AKT3: variants seen among roughly 807,000 people sequenced by gnomAD.
AKT3 encodes the protein AKT serine/threonine kinase 3, also known as RAC-gamma serine/threonine-protein kinase.
Under a neutral mutation model 65.3 loss-of-function variants are expected in AKT3, and 15 were observed. The observed-to-expected ratio is 0.23, with a 90% CI of 0.15 to 0.35. The LOEUF (loss-of-function observed/expected upper bound fraction) is 0.35, where lower values mean the gene tolerates loss of function less well. Among genes scored for constraint, AKT3 ranks in the 10% least tolerant of loss-of-function variants. The probability of loss-of-function intolerance (pLI) is 1.00; values close to 1 mark genes in which losing one functional copy is unlikely to be tolerated. For synonymous variants in AKT3, 206 were observed against 183.8 expected, an observed-to-expected ratio of 1.12 and a Z score of -0.98; for missense variants, 243 against 576.5, an observed-to-expected ratio of 0.42 and a Z score of 5.92.
At chr1:243,815,874 C>T (rs1693490771) in intron 2 of AKT3, among the ~76,000 whole-genome samples, 1 of 152,000 alleles carries the variant, frequency 6.6e-6, no homozygotes, top group South Asian at 2.1e-4. Context: ...ACCTCAGCCT[C>T]CCAAAGTGCT....
chr1:243,505,474 T>C, intron 13 of AKT3, 140 bp from the exon 14 acceptor site: 1 of 645,076 alleles, frequency 1.6e-6, no homozygotes, highest in South Asian at 2.0e-5. Flanking sequence ...ATCAATAAGC[T>C]GTAGAGTAAT....
Position 243,811,527 on chromosome 1 carries a change from C to A in AKT3, c.46+31598G>T, listed in dbSNP as rs994939137. On this transcript the variant is annotated intron_variant, in intron 2 of 13. Coordinates refer to ENST00000673466, the MANE Select transcript of AKT3 (RefSeq NM_005465.7). ...CTGCTCAACGAAATAAGAGAGAATA[C>A]AAACAAATGGAAGAACATTCCATGC... 1.3e-4 allele frequency among the ~76,000 whole-genome samples: 20 copies of A among 152,260 alleles called. 1 individual carries two copies. Among genetic ancestry groups the A allele is most frequent in the Middle Eastern group, 6.8e-3 (2 of 294 alleles).
chr1:243,761,464 C>T (rs535472704), intron 2 of AKT3, among the ~76,000 whole-genome samples: 50 of 151,946 alleles, frequency 3.3e-4, no homozygotes, highest in Non-Finnish European at 5.1e-4. Context: ...AATGCATTTT[C>T]GCACAAATAA....
At chr1:243,544,705 G>GTTTTTTTT (rs138565455) in intron 12 of AKT3, among the ~76,000 whole-genome samples, 2 of 142,276 alleles carry the variant, frequency 1.4e-5, no homozygotes, top group South Asian at 2.2e-4. Context: ...TTTGTTTTTT[G>GTTTTTTTT]TTTTTTTTTT....
chr1:243,821,763 G>T (rs558602616), intron 2 of AKT3, among the ~76,000 whole-genome samples: 3 of 152,314 alleles, frequency 2.0e-5, no homozygotes, highest in African/African-American at 7.2e-5. Context: ...CAATATAGGA[G>T]CATCAAGATT....
chr1:243,734,499 T>C (rs1287488424), intron 2 of AKT3, among the ~76,000 whole-genome samples: 2 of 152,074 alleles, frequency 1.3e-5, no homozygotes, highest in Non-Finnish European at 2.9e-5. Context: ...GGTATCTGTG[T>C]ATCTAGACAA....
At chr1:243,674,218 T>C (rs1683348138) in intron 3 of AKT3, among the ~76,000 whole-genome samples, 1 of 152,176 alleles carries the variant, frequency 6.6e-6, no homozygotes, top group African/African-American at 2.4e-5. Flanking sequence ...GGTAAAATCA[T>C]TTGGTAAATA....
intron 8 of AKT3, among the ~76,000 whole-genome samples, chr1:243,583,956 A>T (rs2148533261): frequency 6.6e-6 from 1 of 152,220 alleles, no homozygotes. Context: ...CAGAAGAAAA[A>T]AAAATAACTA....
intron 2 of AKT3, among the ~76,000 whole-genome samples, chr1:243,782,280 G>A (rs750908016): frequency 2.6e-5 from 4 of 151,860 alleles, no homozygotes; most frequent in Non-Finnish European, 5.9e-5. Flanking sequence ...GTCTGCTTGG[G>A]CAACTGTAAC....
chr1:243,553,263 A>C (rs1245321469), intron 10 of AKT3, among the ~76,000 whole-genome samples: 1 of 152,088 alleles, frequency 6.6e-6, no homozygotes, highest in Non-Finnish European at 1.5e-5. Context: ...ATTTTTTCTT[A>C]GGCCTACTGA....
intron 2 of AKT3, chr1:243,734,924 T>C (rs1379014593): frequency 6.6e-6 from 1 of 152,170 alleles, no homozygotes; most frequent in East Asian, 1.9e-4. Flanking sequence ...TGTTAAAAAC[T>C]TAGATATAAA....
intron 8 of AKT3, among the ~76,000 whole-genome samples, chr1:243,578,349 G>A (rs1164247315): frequency 6.6e-6 from 1 of 152,032 alleles, no homozygotes; most frequent in African/African-American, 2.4e-5. Flanking sequence ...AATACTATGC[G>A]GCCATAAAAA....
upstream of AKT3, among the ~76,000 whole-genome samples, chr1:243,850,359 G>A (rs1038000137): frequency 2.6e-5 from 4 of 151,380 alleles, no homozygotes; most frequent in African/African-American, 9.7e-5. Flanking sequence ...GCGGGGAGAG[G>A]AGGAGGCGGA....
intron 6 of AKT3, among the ~76,000 whole-genome samples, chr1:243,631,480 G>T (rs188351056): frequency 1.4e-4 from 22 of 152,270 alleles, no homozygotes; most frequent in Middle Eastern, 3.4e-3. Context: ...GTAGAGACAA[G>T]GTTTCACCAT....
At chr1:243,631,799 C>T (rs1455040282) in intron 6 of AKT3, among the ~76,000 whole-genome samples, 1 of 152,228 alleles carries the variant, frequency 6.6e-6, no homozygotes, top group African/African-American at 2.4e-5. Flanking sequence ...ATGTTCATGG[C>T]ATCTTCTCAA....
intron 2 of AKT3, among the ~76,000 whole-genome samples, chr1:243,800,285 A>AAT (rs1692299373): frequency 6.6e-6 from 1 of 152,182 alleles, no homozygotes; most frequent in African/African-American, 2.4e-5. Context: ...AGCAGTGCCA[A>AAT]CCTTACAGGG....
At chr1:243,756,945 T>C (rs1222404111) in intron 2 of AKT3, among the ~76,000 whole-genome samples, 3 of 152,164 alleles carry the variant, frequency 2.0e-5, no homozygotes, top group African/African-American at 7.2e-5. Flanking sequence ...CAAAAATGTA[T>C]AACCTACATC....
intron 2 of AKT3, among the ~76,000 whole-genome samples, chr1:243,787,933 C>A (rs1572349484): frequency 6.6e-6 from 1 of 152,112 alleles, no homozygotes; most frequent in Admixed American, 6.5e-5. Context: ...CCCCTCAGAT[C>A]CCACCACAGA....
chr1:243,678,043 G>A (rs568183887), intron 3 of AKT3, among the ~76,000 whole-genome samples: 33 of 152,134 alleles, frequency 2.2e-4, no homozygotes, highest in African/African-American at 6.3e-4. Flanking sequence ...AGCCGAGATC[G>A]CGCCATTCCA....
Sources: allele counts gnomAD v4.1 joint callset (sites outside exome capture counted in the v4.1 genomes callset), GRCh38; gene constraint gnomAD v4.1.1; transcripts MANE v1.5; gene names NCBI Gene and HGNC (gene_info 2026-07-23, HGNC 2026-07-21).